The following POLRMT variants were observed in gnomAD, a reference collection of about 807,000 sequenced individuals.
POLRMT encodes the protein RNA polymerase mitochondrial.
A neutral mutation model predicts 132.2 loss-of-function variants in POLRMT; 114 were observed. The observed-to-expected ratio is 0.86, with a 90% CI of 0.74 to 1.01. The LOEUF is 1.01. POLRMT is among the 50% of genes least tolerant of loss of function. The pLI, the probability that POLRMT is intolerant of heterozygous loss-of-function variation, is 0.00. For synonymous variants in POLRMT, 1,020 were observed against 773.4 expected (o/e 1.32, Z -5.29); for missense variants, 2,003 against 1,729.1 (o/e 1.16, Z -2.81).
intron 17 of POLRMT, 61 bp downstream of exon 17, chr19:618,427 C>G: frequency 7.4e-7 from 1 of 1,345,846 alleles, no homozygotes; most frequent in Non-Finnish European, 1.0e-6. Context: ...CAGCTGTGCC[C>G]TGCTAGCCAG....
In POLRMT at chr19:633,529, G is replaced by GGGGCCGCCGCCGCCGCCGCC. The variant is rs1555678400; in HGVS notation, c.-18_-17insGGCGGCGGCGGCGGCGGCCC. On this transcript the variant is annotated 5_prime_UTR_variant, in exon 1 of 21. Transcript: ENST00000588649. ...TGCCGACATTACGCACGCCGCTCCA[G>GGGGCCGCCGCCGCCGCCGCC]GCCACCCCACCGGCCCGCGCCTGCG... 8 of 1,463,904 alleles carry GGGGCCGCCGCCGCCGCCGCC rather than the reference G, an allele frequency of 5.5e-6. No homozygotes were observed. The highest frequency in any genetic ancestry group is 4.5e-5 in the African/African-American group (3 of 66,422). 90.7% of individuals were successfully genotyped at this position (1,463,904 alleles called of 1,614,324 possible). A position where few individuals can be genotyped will look rare whatever the true frequency, so the allele number is the denominator to read the frequency against.
intron 3 of POLRMT, 115 bp downstream of exon 3, chr19:629,420 TTAAAA>T: frequency 9.3e-7 from 1 of 1,079,376 alleles, no homozygotes; most frequent in Non-Finnish European, 1.2e-6. Flanking sequence ...AAAAGAATTA[TTAAAA>T]TAAAAAACAA....
chr19:631,949 A>G (rs530552819), intron 2 of POLRMT, among the ~76,000 whole-genome samples: 2 of 152,186 alleles, frequency 1.3e-5, no homozygotes, highest in South Asian at 4.1e-4. Context: ...TAATTTTTGT[A>G]TTTTTAGTAG....
intron 3 of POLRMT, among the ~76,000 whole-genome samples, chr19:628,931 G>A (rs1014669704): frequency 2.0e-5 from 3 of 152,112 alleles, no homozygotes; most frequent in African/African-American, 7.2e-5. Flanking sequence ...TTGAACCTGG[G>A]AGGTGGAGGT....
At chr19:617,548 T>G (rs762814001) in intron 19 of POLRMT, 22 bp downstream of exon 19, 3 of 1,610,734 alleles carry the variant, frequency 1.9e-6, no homozygotes, top group East Asian at 2.2e-5. Context: ...ATCCAGGTAG[T>G]TGGGGTCAGG....
Position 622,941 on chromosome 19 carries a change from C to T in POLRMT, c.1335G>A (p.Leu445=), listed in dbSNP as rs549634717. ...TCTTGGTCTCCCGCAGCGCCCGGCACAGTGCTTTCTCCCATTGGTCCCGCA... is the reference window on the plus strand; with the variant it reads ...TCTTGGTCTCCCGCAGCGCCCGGCATAGTGCTTTCTCCCATTGGTCCCGCA... ...KTLRDQWEKA[L]CRALRETKNR... The change falls in exon 7 of 21, where the codon CTG becomes CTA. Residue 445 remains leucine, a synonymous_variant. Transcript: ENST00000588649. 393 of 1,613,016 alleles carry T rather than the reference C, an allele frequency of 2.4e-4. 2 individuals carry two copies. In the South Asian group the frequency reaches 4.1e-3, roughly 17 times the overall value.
intron 10 of POLRMT, 46 bp from the exon 11 acceptor site, chr19:620,533 C>A: frequency 6.7e-7 from 1 of 1,482,760 alleles, no homozygotes; most frequent in East Asian, 2.4e-5. Flanking sequence ...GGCCCGATCC[C>A]TGAGCCCGCT....
rs372659181 is a variant in POLRMT at position 618,985 on chromosome 19, T to G, written c.3267+12A>C. The stretch of plus-strand genomic sequence containing the variant: ...GGTGGCACACTGGGGAGGGATGGGG[T>G]GGTACACTGACCTTGACCTTGGAGT... On this transcript the variant is annotated intron_variant, in intron 15 of 20. Transcript: ENST00000588649. 296 of 1,554,422 alleles carry G rather than the reference T, an allele frequency of 1.9e-4. No individual in the cohort carries two copies. The African/African-American group carries it at 3.6e-3, about 19-fold the overall frequency.
At chr19:622,473 C>A in intron 8 of POLRMT, 100 bp from the exon 9 acceptor site, 2 of 1,468,806 alleles carry the variant, frequency 1.4e-6, no homozygotes, top group South Asian at 1.4e-5. Flanking sequence ...TCAGCCCAAG[C>A]ATACAGATGA....
In POLRMT at chr19:624,850, C is replaced by T. The variant is rs201346718; in HGVS notation, c.1009G>A (p.Val337Ile). Residue 337 changes from valine (V) to isoleucine (I), a missense_variant, in exon 5 of 21, where the codon GTT (valine) becomes ATT (isoleucine). Physicochemically the swap from Val to Ile is conservative, Grantham distance 29 (BLOSUM62 3). Coordinates refer to ENST00000588649, the MANE Select transcript of POLRMT (RefSeq NM_005035.4). ...GLKLQALFTA[V>I]LLSEEDRATV... Reference sequence around the variant, plus strand: ...GCCCGATCCTCCTCAGACAGCAGAACGGCGGTGAAGAGTGCCTGCAGCTTC... The same window carrying T: ...GCCCGATCCTCCTCAGACAGCAGAATGGCGGTGAAGAGTGCCTGCAGCTTC... 20 of 1,613,248 alleles carry T rather than the reference C, an allele frequency of 1.2e-5. No homozygotes were observed. Among genetic ancestry groups the T allele is most frequent in the Middle Eastern group, 1.6e-4 (1 of 6,062 alleles).
intron 5 of POLRMT, among the ~76,000 whole-genome samples, chr19:624,181 G>C (rs1195495608): frequency 1.3e-5 from 2 of 152,216 alleles, no homozygotes; most frequent in Non-Finnish European, 2.9e-5. Flanking sequence ...GGCACCATGA[G>C]GACGTCACGC....
chr19:621,548 A>T lies in POLRMT; in HGVS notation c.2150T>A (p.Val717Glu). 7.1e-7 allele frequency: 1 copy of T among 1,416,676 alleles called. No individual in the cohort carries two copies. The highest frequency in any genetic ancestry group is 9.2e-7 in the Non-Finnish European group (1 of 1,092,736). The allele number at this position is 1,416,676 out of a possible 1,614,324, so 87.8% of individuals were successfully genotyped here. Residue 717 changes from valine to glutamate, a missense_variant, in exon 10 of 21, where the codon GTG becomes GAG. Physicochemically the swap from Val to Glu is moderately radical, Grantham distance 121. Coordinates refer to ENST00000588649, the MANE Select transcript of POLRMT (RefSeq NM_005035.4). ...GCCCTTGGCCTGGAAGAGCTGCAGC[A>T]CCAGGTCCAGCACGCGCCCGTTGAC... ...WRVNGRVLDL[V>E]LQLFQAKGCP...
chr19:633,237 A>T, intron 1 of POLRMT, 188 bp downstream of exon 1: 1 of 714,948 alleles, frequency 1.4e-6, no homozygotes, highest in Non-Finnish European at 2.1e-6. Context: ...CACGAGTCAA[A>T]GGTCAGACTG....
chr19:619,021 G>C lies in POLRMT; in HGVS notation c.3243C>G (p.Pro1081=), dbSNP rs14155. 798,141 of 1,592,932 alleles carry C rather than the reference G, an allele frequency of 0.5. 205,747 individuals are homozygous for C. Among genetic ancestry groups the C allele is most frequent in the South Asian group, 0.74 (66,215 of 89,376 alleles). ...CCTTGACCTTGGAGTCCAGGCGATA[G>C]GGCTGGATGACGGGGACGCCCAGGG... ...VTPLGVPVIQ[P]YRLDSKVKQI... The change falls in exon 15 of 21, where the codon CCC becomes CCG. Residue 1081 remains proline, a synonymous_variant. Transcript: ENST00000588649.
In POLRMT at chr19:633,525, T is replaced by C. The variant is rs995912782; in HGVS notation, c.-13A>G. 3 of 727,186 alleles carry C rather than the reference T, an allele frequency of 4.1e-6. No individual in the cohort carries two copies. Among genetic ancestry groups the C allele is most frequent in the East Asian group, 4.0e-5 (1 of 25,194 alleles). 45.0% of individuals were successfully genotyped at this position (727,186 alleles called of 1,614,324 possible). On this transcript the variant is annotated 5_prime_UTR_variant, in exon 1 of 21. Coordinates refer to ENST00000588649, the MANE Select transcript of POLRMT (RefSeq NM_005035.4). ...AAAGTGCCGACATTACGCACGCCGC[T>C]CCAGGCCACCCCACCGGCCCGCGCC... is the stretch of plus-strand genomic sequence containing the variant.
chr19:628,432 C>A (rs1429127467), intron 3 of POLRMT, among the ~76,000 whole-genome samples: 2 of 152,212 alleles, frequency 1.3e-5, no homozygotes, highest in South Asian at 2.1e-4. Context: ...AAGAGCACTG[C>A]GGACTTCACC....
rs112437239 is a variant in POLRMT at position 618,345 on chromosome 19, CT to C, written c.3422+142del. 2,694 of 670,896 alleles carry C rather than the reference CT, an allele frequency of 4.0e-3. 59 individuals carry two copies. The African/African-American group carries it at 0.041, about 10-fold the overall frequency. 41.6% of individuals were successfully genotyped at this position (670,896 alleles called of 1,614,324 possible). The stretch of plus-strand genomic sequence containing the variant: ...CATTCGGGGCACACAGCCTCAGGGC[CT>C]CTACACAGGCCCCACAGACACAGCA... On this transcript the variant is annotated intron_variant, in intron 17 of 20. Transcript: ENST00000588649.
At chr19:623,247 G>A (rs547402219) in intron 6 of POLRMT, among the ~76,000 whole-genome samples, 348 of 152,364 alleles carry the variant, frequency 2.3e-3, no homozygotes, top group Non-Finnish European at 4.1e-3. Context: ...TCCCTGAGCG[G>A]CAGCCAGGCT....
chr19:633,365 G>A, intron 1 of POLRMT, 60 bp downstream of exon 1: 1 of 1,419,230 alleles, frequency 7.0e-7, no homozygotes, highest in South Asian at 1.6e-5. Context: ...GGCCCCGGCC[G>A]CGCGGGGAGG....
Sources: gnomAD v4.1 joint callset for allele counts (sites outside exome capture counted in the v4.1 genomes callset) on GRCh38, gnomAD v4.1.1 for gene constraint, MANE v1.5 for transcripts, NCBI Gene and HGNC (gene_info 2026-07-23, HGNC 2026-07-21) for gene names.